Variants in CSMD1 observed in about 807,000 individuals in gnomAD.
CSMD1 encodes the protein CUB and Sushi multiple domains 1.
CSMD1 carries 213 observed loss-of-function variants against 417.5 expected under a neutral mutation model. That is an observed-to-expected ratio of 0.51 (90% CI 0.46 to 0.57). CSMD1 has a LOEUF of 0.57. CSMD1 is among the 20% of genes least tolerant of loss of function. The probability of loss-of-function intolerance (pLI) is 0.00; values close to 1 mark genes in which losing one functional copy is unlikely to be tolerated. For synonymous variants in CSMD1, 2,862 were observed against 1,736.8 expected (o/e 1.65, Z -16.11); for missense variants, 6,923 against 4,529.7 (o/e 1.53, Z -15.17).
intron 7 of CSMD1, among the ~76,000 whole-genome samples, chr8:3,700,996 G>C (rs1463749572): frequency 1.3e-5 from 2 of 150,766 alleles, no homozygotes; most frequent in South Asian, 4.2e-4. Flanking sequence ...GGCGACGGTG[G>C]TTTGGGGGTA....
chr8:4,934,035 G>C (rs1390932756), intron 1 of CSMD1, among the ~76,000 whole-genome samples: 1 of 151,962 alleles, frequency 6.6e-6, no homozygotes, highest in East Asian at 1.9e-4. Context: ...TTGATGATGA[G>C]ATAAATGTGT....
intron 8 of CSMD1, among the ~76,000 whole-genome samples, chr8:3,604,438 A>G (rs1801507742): frequency 6.6e-6 from 1 of 152,194 alleles, no homozygotes; most frequent in Non-Finnish European, 1.5e-5. Flanking sequence ...CATTGCTGAG[A>G]GGACAGAAGA....
intron 1 of CSMD1, among the ~76,000 whole-genome samples, chr8:4,882,308 G>T (rs1375141876): frequency 6.6e-6 from 1 of 151,660 alleles, no homozygotes; most frequent in African/African-American, 2.4e-5. Flanking sequence ...ATGGCATACG[G>T]CAGACAAACG....
chr8:4,034,231 G>A (rs1200824750), intron 3 of CSMD1, among the ~76,000 whole-genome samples: 1 of 146,598 alleles, frequency 6.8e-6, no homozygotes, highest in African/African-American at 2.4e-5. Context: ...TATTACTTAA[G>A]TACAAACAGA....
intron 3 of CSMD1, among the ~76,000 whole-genome samples, chr8:4,393,528 G>C (rs1227946577): frequency 3.3e-5 from 5 of 152,258 alleles, no homozygotes; most frequent in Admixed American, 2.0e-4. Flanking sequence ...CCTAGGCCCA[G>C]TTTCACTTGG....
intron 5 of CSMD1, among the ~76,000 whole-genome samples, chr8:3,847,851 C>T (rs983539519): frequency 1.3e-5 from 2 of 152,150 alleles, no homozygotes; most frequent in Non-Finnish European, 2.9e-5. Flanking sequence ...TGTATTTGCT[C>T]CCATTATGCG....
At chr8:3,295,381 C>G (rs1157680343) in intron 25 of CSMD1, among the ~76,000 whole-genome samples, 1 of 152,104 alleles carries the variant, frequency 6.6e-6, no homozygotes, top group Non-Finnish European at 1.5e-5. Context: ...CCGCCTCGGC[C>G]TCCCAAAGTG....
intron 5 of CSMD1, among the ~76,000 whole-genome samples, chr8:3,885,242 G>A (rs1806478789): frequency 6.6e-6 from 1 of 152,104 alleles, no homozygotes; most frequent in African/African-American, 2.4e-5. Context: ...AGTGTTCACA[G>A]AAAATCCTGA....
At chr8:4,177,264 G>C (rs1431288210) in intron 3 of CSMD1, among the ~76,000 whole-genome samples, 1 of 152,078 alleles carries the variant, frequency 6.6e-6, no homozygotes, top group Non-Finnish European at 1.5e-5. Flanking sequence ...CTAGAACTCA[G>C]GATTAAGAAA....
At chr8:4,461,518 G>T (rs1457852268) in intron 2 of CSMD1, among the ~76,000 whole-genome samples, 1 of 132,248 alleles carries the variant, frequency 7.6e-6, no homozygotes, top group Non-Finnish European at 1.6e-5. Context: ...CAGAGTAGAA[G>T]ATGAATATGC....
At chr8:3,876,941 T>G (rs28665268) in intron 5 of CSMD1, among the ~76,000 whole-genome samples, 39,218 of 152,124 alleles carry the variant, frequency 0.26, 6,844 homozygotes, top group African/African-American at 0.5. Context: ...TTTATCATGA[T>G]TTATTTAGAA....
chr8:4,220,694 C>T (rs890461589), intron 3 of CSMD1, among the ~76,000 whole-genome samples: 4 of 152,170 alleles, frequency 2.6e-5, no homozygotes, highest in African/African-American at 7.2e-5. Flanking sequence ...AGATCAAGAA[C>T]ATTTCCCAGG....
rs114807694 is a variant in CSMD1 at position 4,281,246 on chromosome 8, G to C, written c.415+138707C>G. Among the ~76,000 whole-genome samples, 561 of 152,258 alleles carry C rather than the reference G, an allele frequency of 3.7e-3. 5 individuals carry two copies. Among genetic ancestry groups the C allele is most frequent in the African/African-American group, 0.013 (538 of 41,546 alleles). On this transcript the variant is annotated intron_variant, in intron 3 of 69. Coordinates refer to ENST00000635120, the MANE Select transcript of CSMD1 (RefSeq NM_033225.6). ...TTGCTACCTTAAGTATGATCTCAGGGAATTAAAATAACCTCTCGACAGCAT... is the reference window on the plus strand; with the variant it reads ...TTGCTACCTTAAGTATGATCTCAGGCAATTAAAATAACCTCTCGACAGCAT...
At chr8:3,613,718 CACACACACACACACACACA>C (rs1563200108) in intron 8 of CSMD1, among the ~76,000 whole-genome samples, 3 of 112,550 alleles carry the variant, frequency 2.7e-5, no homozygotes, top group Non-Finnish European at 4.1e-5. Context: ...CACACACACA[CACACACACACACACACACA>C]CCTCAAAAAA....
chr8:3,182,237 C>G (rs1414744687), intron 36 of CSMD1, among the ~76,000 whole-genome samples: 2 of 152,084 alleles, frequency 1.3e-5, no homozygotes, highest in Non-Finnish European at 2.9e-5. Flanking sequence ...TTAAACTATC[C>G]AATATCCCCC....
chr8:3,964,995 G>A (rs976464158), intron 5 of CSMD1, among the ~76,000 whole-genome samples: 19 of 152,064 alleles, frequency 1.2e-4, no homozygotes, highest in African/African-American at 4.6e-4. Flanking sequence ...TCTAGGCCAC[G>A]GTTTTTTCTG....
chr8:3,736,098 C>T (rs913102414), intron 6 of CSMD1, among the ~76,000 whole-genome samples: 2 of 152,118 alleles, frequency 1.3e-5, no homozygotes, highest in Non-Finnish European at 1.5e-5. Context: ...GTTTCCAACA[C>T]TGTTGTATGC....
chr8:3,555,547 A>G (rs1799107494), intron 10 of CSMD1, among the ~76,000 whole-genome samples: 1 of 152,166 alleles, frequency 6.6e-6, no homozygotes, highest in East Asian at 1.9e-4. Flanking sequence ...GGGTGAACTT[A>G]AACGCTTGCT....
At chr8:4,105,339 T>A (rs553914233) in intron 3 of CSMD1, among the ~76,000 whole-genome samples, 1 of 151,640 alleles carries the variant, frequency 6.6e-6, no homozygotes, top group African/African-American at 2.4e-5. Flanking sequence ...ACTTCTGAAT[T>A]TTTTTTTTAT....
Sources: allele counts gnomAD v4.1 joint callset (sites outside exome capture counted in the v4.1 genomes callset), GRCh38; gene constraint gnomAD v4.1.1; transcripts MANE v1.5; gene names NCBI Gene and HGNC (gene_info 2026-07-23, HGNC 2026-07-21).